The following FYB1 variants were observed in gnomAD, a reference collection of about 807,000 sequenced individuals.
FYB1 encodes FYN-binding protein 1.
In FYB1, 41 loss-of-function variants were observed where a neutral mutation model predicts 94.1. That is an observed-to-expected ratio of 0.44 (90% confidence interval 0.34 to 0.57). The LOEUF is 0.57. Among genes scored for constraint, FYB1 ranks in the 20% least tolerant of loss-of-function variants. The pLI, the probability that FYB1 is intolerant of heterozygous loss-of-function variation, is 0.02. For synonymous variants in FYB1, 367 were observed against 353.2 expected (o/e 1.04, Z -0.44); for missense variants, 1,050 against 976.8 (o/e 1.07, Z -1.00).
At chr5:39,125,896 G>T in intron 12 of FYB1, 102 bp downstream of exon 12, 2 of 1,147,558 alleles carry the variant, frequency 1.7e-6, no homozygotes, top group South Asian at 1.6e-5. Flanking sequence ...GATGATTTAA[G>T]TCTATCAGAA....
chr5:39,182,758 T>G (rs1160549195), intron 2 of FYB1, among the ~76,000 whole-genome samples: 1 of 152,154 alleles, frequency 6.6e-6, no homozygotes, highest in Admixed American at 6.5e-5. Context: ...AGTTAGTCTC[T>G]CCTTGTGCTA....
chr5:39,183,817 G>A (rs967532929), intron 2 of FYB1, among the ~76,000 whole-genome samples: 3 of 152,140 alleles, frequency 2.0e-5, no homozygotes, highest in Non-Finnish European at 4.4e-5. Flanking sequence ...AGATACGTAG[G>A]CCTCAAAGCA....
chr5:39,262,788 A>C (rs1752277587), intron 1 of FYB1, among the ~76,000 whole-genome samples: 1 of 152,228 alleles, frequency 6.6e-6, no homozygotes, highest in African/African-American at 2.4e-5. Flanking sequence ...GAGTGAAAGA[A>C]GGCAAAGTGC....
At chr5:39,181,439 T>C (rs1226740961) in intron 2 of FYB1, among the ~76,000 whole-genome samples, 1 of 152,150 alleles carries the variant, frequency 6.6e-6, no homozygotes, top group Non-Finnish European at 1.5e-5. Flanking sequence ...TAGGACAGTA[T>C]AGAACTGATA....
intron 1 of FYB1, among the ~76,000 whole-genome samples, chr5:39,268,681 C>T (rs983261774): frequency 2.0e-5 from 3 of 152,056 alleles, no homozygotes; most frequent in African/African-American, 7.2e-5. Flanking sequence ...ATTCTGCTCC[C>T]TAGCCTCCCA....
At chr5:39,269,328 C>T (rs1321272887) in intron 1 of FYB1, among the ~76,000 whole-genome samples, 1 of 152,174 alleles carries the variant, frequency 6.6e-6, no homozygotes, top group Non-Finnish European at 1.5e-5. Context: ...GGATTACAGG[C>T]GTGAGCCACC....
rs1270077218 is a variant in FYB1, at chr5:39,107,343, T to A, written c.*100A>T. The A allele has an allele frequency of 2.7e-6, 2 of 729,182 alleles. No homozygotes were observed. The highest frequency in any genetic ancestry group is 4.3e-6 in the Non-Finnish European group (2 of 461,930). 45.2% of individuals were successfully genotyped at this position (729,182 alleles called of 1,614,324 possible). A position where few individuals can be genotyped will look rare whatever the true frequency, so the allele number is the denominator to read the frequency against. ...TTTCATAACAAATGATAATAAGTGG[T>A]TTTGTGCATTAATTTTCTTGATACC... On this transcript the variant is annotated 3_prime_UTR_variant, in exon 19 of 19. Transcript: ENST00000512982.
chr5:39,151,363 C>T (rs1026145471), intron 3 of FYB1, among the ~76,000 whole-genome samples: 4 of 151,408 alleles, frequency 2.6e-5, no homozygotes, highest in African/African-American at 9.8e-5. Context: ...AATTATGGCT[C>T]ACTGCAGCCT....
chr5:39,166,531 T>C (rs1206359244), intron 2 of FYB1, among the ~76,000 whole-genome samples: 1 of 151,964 alleles, frequency 6.6e-6, no homozygotes, highest in East Asian at 1.9e-4. Context: ...AGCAAAGTCA[T>C]AGAATCAACC....
intron 2 of FYB1, among the ~76,000 whole-genome samples, chr5:39,162,251 T>C (rs1744319903): frequency 6.6e-6 from 1 of 152,206 alleles, no homozygotes; most frequent in Non-Finnish European, 1.5e-5. Flanking sequence ...GAACTCTGGA[T>C]TGTTGCTTAT....
intron 11 of FYB1, 91 bp from the exon 12 acceptor site, chr5:39,126,226 C>T: frequency 7.5e-7 from 1 of 1,331,032 alleles, no homozygotes; most frequent in Non-Finnish European, 1.0e-6. Context: ...AATCATTAAT[C>T]ATTACGGCCA....
At chr5:39,126,627 T>C (rs992183703) in intron 11 of FYB1, among the ~76,000 whole-genome samples, 2 of 144,626 alleles carry the variant, frequency 1.4e-5, no homozygotes, top group Non-Finnish European at 3.0e-5. Context: ...GCCTGGGAGT[T>C]TGAGGCTGCA....
intron 1 of FYB1, among the ~76,000 whole-genome samples, chr5:39,228,924 C>A (rs1281014785): frequency 6.6e-6 from 1 of 152,164 alleles, no homozygotes; most frequent in Non-Finnish European, 1.5e-5. Context: ...ACAGTTTTCT[C>A]TCACGATAAA....
At chr5:39,249,598 A>ACT (rs5867451) in intron 1 of FYB1, among the ~76,000 whole-genome samples, 100,852 of 151,838 alleles carry the variant, frequency 0.66, 35,676 homozygotes, top group Non-Finnish European at 0.79. Flanking sequence ...GAGATGCAAA[A>ACT]CTATAATAGT....
rs142665042 is a variant in FYB1, at chr5:39,154,213, T to G, written c.1136-609A>C. On this transcript the variant is annotated intron_variant, in intron 2 of 18. Transcript: ENST00000512982. The stretch of plus-strand genomic sequence containing the variant: ...ATACCGTTGCTGGTACCTAAAAAAT[T>G]TCTAGGTTCTATCTGCTAAATAGTG... 1.4e-4 allele frequency among the ~76,000 whole-genome samples: 22 copies of G among 152,322 alleles called. No homozygotes were observed. In the East Asian group the frequency reaches 3.7e-3, roughly 25 times the overall value.
chr5:39,245,581 A>T (rs996550396), intron 1 of FYB1, among the ~76,000 whole-genome samples: 1 of 150,556 alleles, frequency 6.6e-6, no homozygotes, highest in African/African-American at 2.5e-5. Context: ...TCCAGACAAG[A>T]TGAGAAGGAA....
At chr5:39,196,922 C>T (rs1315274930) in intron 2 of FYB1, among the ~76,000 whole-genome samples, 3 of 152,114 alleles carry the variant, frequency 2.0e-5, no homozygotes, top group African/African-American at 4.8e-5. Flanking sequence ...GAGGAATAAA[C>T]GGCATAATGT....
chr5:39,243,411 T>C (rs894467606), intron 1 of FYB1, among the ~76,000 whole-genome samples: 1 of 151,754 alleles, frequency 6.6e-6, no homozygotes, highest in African/African-American at 2.4e-5. Context: ...CTTTCCCCAT[T>C]TCTTGTTTTT....
chr5:39,249,348 T>C (rs763937100), intron 1 of FYB1, among the ~76,000 whole-genome samples: 6 of 152,222 alleles, frequency 3.9e-5, no homozygotes, highest in Non-Finnish European at 8.8e-5. Flanking sequence ...TTTGCTGAAA[T>C]GACGCAGCTC....
Sources: allele counts gnomAD v4.1 joint callset (sites outside exome capture counted in the v4.1 genomes callset), GRCh38; gene constraint gnomAD v4.1.1; transcripts MANE v1.5; gene names NCBI Gene and HGNC (gene_info 2026-07-23, HGNC 2026-07-21).